Variants in OR11L1 observed in about 807,000 individuals in gnomAD.
OR11L1 encodes the protein olfactory receptor 11L1.
For missense variants in OR11L1, 397 were observed against 392.7 expected, an observed-to-expected ratio of 1.01 and a Z score of -0.09; for synonymous variants, 164 against 159.1, an observed-to-expected ratio of 1.03 and a Z score of -0.23.
At position 247,841,500 on chromosome 1, in the gene OR11L1, G is replaced by A. The variant is rs1489354801; in HGVS notation, c.397C>T (p.Pro133Ser). 6.2e-7 allele frequency: 1 copy of A among 1,614,134 alleles called. No individual in the cohort carries two copies. The highest frequency in any genetic ancestry group is 8.5e-7 in the Non-Finnish European group (1 of 1,180,020). Reference protein sequence around the residue: ...YLAICSPLRYPFLMHRGLCAR... With the variant: ...YLAICSPLRYSFLMHRGLCAR... ...CAGAGCCCACGATGCATGAGGAAGGGGTAGCGGAGTGGGCTGCAGATGGCC... is the reference window on the plus strand; with the variant it reads ...CAGAGCCCACGATGCATGAGGAAGGAGTAGCGGAGTGGGCTGCAGATGGCC... Residue 133 changes from proline (P) to serine (S), a missense_variant, in exon 1 of 1, where the codon CCC becomes TCC. Coordinates refer to ENST00000355784, the MANE Select transcript of OR11L1 (RefSeq NM_001001959.1).
Position 247,841,778 on chromosome 1 carries a change from A to T in OR11L1, c.119T>A (p.Ile40Lys), listed in dbSNP as rs767711381. Reference sequence around the variant, plus strand: ...CACGGTGATGATGACAACATTCCCTATAATGGTCAGGCAGTAGATGAGCAG... The same window carrying T: ...CACGGTGATGATGACAACATTCCCTTTAATGGTCAGGCAGTAGATGAGCAG... The part of the protein sequence containing the change: ...IFLLIYCLTI[I>K]GNVVIITVVS... Residue 40 changes from isoleucine to lysine, a missense_variant, in exon 1 of 1, where the codon ATA (isoleucine) becomes AAA (lysine). Coordinates refer to ENST00000355784, the MANE Select transcript of OR11L1 (RefSeq NM_001001959.1). 5.0e-6 allele frequency: 8 copies of T among 1,614,178 alleles called. No individual in the cohort carries two copies. The highest frequency in any genetic ancestry group is 2.2e-5 in the South Asian group (2 of 91,068).
rs1334651140 is a variant in OR11L1, at chr1:247,841,761, T to C, written c.136A>G (p.Ile46Val). The part of the protein sequence containing the change: ...CLTIIGNVVI[I>V]TVVSQGLRLH... ...CGCAGGCCCTGGCTCACCACGGTGA[T>C]GATGACAACATTCCCTATAATGGTC... The change falls in exon 1 of 1, where the codon ATC becomes GTC. Residue 46 changes from isoleucine (I) to valine (V), a missense_variant. Transcript: ENST00000355784. The C allele has an allele frequency of 1.2e-6, 2 of 1,614,060 alleles. No individual in the cohort carries two copies. The highest frequency in any genetic ancestry group is 2.7e-5 in the African/African-American group (2 of 74,984).
rs761525188 is a variant in OR11L1, at chr1:247,841,654, G to A, written c.243C>T (p.Leu81=). 3 of 1,614,098 alleles carry A rather than the reference G, an allele frequency of 1.9e-6. No individual in the cohort carries two copies. Among genetic ancestry groups the A allele is most frequent in the East Asian group, 4.5e-5 (2 of 44,882 alleles). ...GGCCCCAGGACAGCAGGTTGGCTAG[G>A]AGAAGGGGCACAGTGGTGGACGTGT... is the stretch of plus-strand genomic sequence containing the variant. ...VWYTSTTVPL[L]LANLLSWGQA... is the part of the protein sequence containing the mutation. The change falls in exon 1 of 1, where the codon CTC becomes CTT. Residue 81 remains leucine (L), a synonymous_variant. Coordinates refer to ENST00000355784, the MANE Select transcript of OR11L1 (RefSeq NM_001001959.1).
In OR11L1 at chr1:247,841,027, G is replaced by A. The variant is rs761262152; in HGVS notation, c.870C>T (p.Tyr290=). 44 of 1,614,184 alleles carry A rather than the reference G, an allele frequency of 2.7e-5. No homozygotes were observed. The highest frequency in any genetic ancestry group is 3.5e-5 in the Non-Finnish European group (41 of 1,180,018). ...CTTTGAAGTCTTTGTTCCTCAAGCT[G>A]TAGATAACTGGGTTCAGCAGTGGTG... The part of the protein sequence containing the change: ...VVTPLLNPVI[Y]SLRNKDFKEA... Residue 290 remains tyrosine (Y), a synonymous_variant, in exon 1 of 1, where the codon TAC becomes TAT. Coordinates refer to ENST00000355784, the MANE Select transcript of OR11L1 (RefSeq NM_001001959.1).
chr1:247,840,931 A>G lies in OR11L1; in HGVS notation c.966T>C (p.Tyr322=). 1.9e-6 allele frequency: 3 copies of G among 1,605,778 alleles called. No homozygotes were observed. The highest frequency in any genetic ancestry group is 2.2e-5 in the South Asian group (2 of 90,126). The change falls in exon 1 of 1, where the codon TAT becomes TAC. Residue 322 remains tyrosine (Y), a synonymous_variant. Transcript: ENST00000355784. ...TGTTCTGTGCAATTTTCTTTACCTA[A>G]TAAAGGAACTTCCTTTTACTTGTAC... ...LWSTSKRKFL[Y] is the part of the protein sequence containing the mutation.
rs1295442404 is a variant in OR11L1, at chr1:247,841,224, T to C, written c.673A>G (p.Ile225Val). Residue 225 changes from isoleucine (I) to valine (V), a missense_variant, in exon 1 of 1, where the codon ATA becomes GTA. Transcript: ENST00000355784. The part of the protein sequence containing the change: ...LGPYVFIVSS[I>V]LRIPSTSGRR... The stretch of plus-strand genomic sequence containing the variant: ...CCAGAGGTGGAAGGGATTCTCAATA[T>C]GGAGGACACAATGAAAACATAGGGC... 1 of 1,614,108 alleles carries C rather than the reference T, an allele frequency of 6.2e-7. No homozygotes were observed. The highest frequency in any genetic ancestry group is 1.7e-5 in the Admixed American group (1 of 60,026).
In OR11L1 at chr1:247,840,943, C is replaced by T. The variant is rs1328268032; in HGVS notation, c.954G>A (p.Arg318=). 6.2e-7 allele frequency: 1 copy of T among 1,608,636 alleles called. No homozygotes were observed. Among genetic ancestry groups the T allele is most frequent in the Non-Finnish European group, 8.5e-7 (1 of 1,176,642 alleles). The part of the protein sequence containing the change: ...KCGILWSTSK[R]KFLY ...TTTTCTTTACCTAATAAAGGAACTT[C>T]CTTTTACTTGTACTCCATAGAATAC... The change falls in exon 1 of 1, where the codon AGG becomes AGA. Residue 318 remains arginine (R), a synonymous_variant. Coordinates refer to ENST00000355784, the MANE Select transcript of OR11L1 (RefSeq NM_001001959.1).
chr1:247,841,023 A>C lies in OR11L1; in HGVS notation c.874T>G (p.Leu292Val), dbSNP rs184029383. ...TPLLNPVIYS[L>V]RNKDFKEAVR... ...GCTTCTTTGAAGTCTTTGTTCCTCA[A>C]GCTGTAGATAACTGGGTTCAGCAGT... Residue 292 changes from leucine (L) to valine (V), a missense_variant, in exon 1 of 1, where the codon TTG (leucine) becomes GTG (valine). Coordinates refer to ENST00000355784, the MANE Select transcript of OR11L1 (RefSeq NM_001001959.1). The C allele has an allele frequency of 6.8e-6, 11 of 1,614,194 alleles. No individual in the cohort carries two copies. In the East Asian group the frequency reaches 2.0e-4, roughly 29 times the overall value.
Position 247,841,760 on chromosome 1 carries a change from A to G in OR11L1, c.137T>C (p.Ile46Thr), listed in dbSNP as rs1663268631. The G allele has an allele frequency of 2.5e-6, 4 of 1,614,084 alleles. No individual in the cohort carries two copies. The highest frequency in any genetic ancestry group is 2.2e-5 in the South Asian group (2 of 91,090). ...CLTIIGNVVIITVVSQGLRLH... is the reference protein window; with the variant it reads ...CLTIIGNVVITTVVSQGLRLH... ...TCGCAGGCCCTGGCTCACCACGGTG[A>G]TGATGACAACATTCCCTATAATGGT... Residue 46 changes from isoleucine (I) to threonine (T), a missense_variant, in exon 1 of 1, where the codon ATC (isoleucine) becomes ACC (threonine). Coordinates refer to ENST00000355784, the MANE Select transcript of OR11L1 (RefSeq NM_001001959.1).
rs746360319 is a variant in OR11L1, at chr1:247,841,317, T to C, written c.580A>G (p.Ile194Val). 1.2e-6 allele frequency: 2 copies of C among 1,614,164 alleles called. No individual in the cohort carries two copies. The highest frequency in any genetic ancestry group is 1.7e-6 in the Non-Finnish European group (2 of 1,180,012). ...AGGATGAAGATGGTCACCTCGGTGA[T>C]ATAAACTCTGGAACAGGAGAGCTGC... ...LMQLSCSRVYITEVTIFILSI... is the reference protein window; with the variant it reads ...LMQLSCSRVYVTEVTIFILSI... The change falls in exon 1 of 1, where the codon ATC becomes GTC. Residue 194 changes from isoleucine to valine, a missense_variant. Ile to Val is a conservative substitution (Grantham distance 29). Transcript: ENST00000355784.
chr1:247,841,064 T>C lies in OR11L1; in HGVS notation c.833A>G (p.Tyr278Cys). The change falls in exon 1 of 1, where the codon TAC becomes TGC. Residue 278 changes from tyrosine (Y) to cysteine (C), a missense_variant. Physicochemically the swap from Tyr to Cys is radical, Grantham distance 194. Transcript: ENST00000355784. ...GTTCAGCAGTGGTGTGACCACAGTG[T>C]AGAAGACAGAAATGATCTTGTTGAT... ...PEINKIISVFYTVVTPLLNPV... is the reference protein window; with the variant it reads ...PEINKIISVFCTVVTPLLNPV... The C allele has an allele frequency of 6.2e-7, 1 of 1,614,212 alleles. No individual in the cohort carries two copies. The highest frequency in any genetic ancestry group is 8.5e-7 in the Non-Finnish European group (1 of 1,180,044).
At position 247,841,233 on chromosome 1, in the gene OR11L1, C is replaced by A. The variant is rs1306345876; in HGVS notation, c.664G>T (p.Val222Leu). The A allele has an allele frequency of 6.2e-7, 1 of 1,614,050 alleles. No homozygotes were observed. Among genetic ancestry groups the A allele is most frequent in the Non-Finnish European group, 8.5e-7 (1 of 1,179,990 alleles). Residue 222 changes from valine to leucine, a missense_variant, in exon 1 of 1, where the codon GTG (valine) becomes TTG (leucine). Physicochemically the swap from Val to Leu is conservative, Grantham distance 32 (BLOSUM62 1). Transcript: ENST00000355784. ...FLTLGPYVFIVSSILRIPSTS... is the reference protein window; with the variant it reads ...FLTLGPYVFILSSILRIPSTS... The stretch of plus-strand genomic sequence containing the variant: ...GAAGGGATTCTCAATATGGAGGACA[C>A]AATGAAAACATAGGGCCCCAGTGTC...
In OR11L1 at chr1:247,841,269, A is replaced by C. The variant is rs749904986; in HGVS notation, c.628T>G (p.Cys210Gly). ...FILSIAVLCICFFLTLGPYVF... is the reference protein window; with the variant it reads ...FILSIAVLCIGFFLTLGPYVF... ...TAGGGCCCCAGTGTCAGAAAAAAAC[A>C]AATGCACAGCACGGCAATTGACAGG... The change falls in exon 1 of 1, where the codon TGT becomes GGT. Residue 210 changes from cysteine to glycine, a missense_variant. Transcript: ENST00000355784. 2 of 1,614,218 alleles carry C rather than the reference A, an allele frequency of 1.2e-6. No homozygotes were observed. The highest frequency in any genetic ancestry group is 1.7e-6 in the Non-Finnish European group (2 of 1,180,032).
Position 247,841,855 on chromosome 1 carries a change from C to G in OR11L1, c.42G>C (p.Leu14=), listed in dbSNP as rs201418677. 2 of 1,613,906 alleles carry G rather than the reference C, an allele frequency of 1.2e-6. No homozygotes were observed. Among genetic ancestry groups the G allele is most frequent in the African/African-American group, 1.3e-5 (1 of 75,022 alleles). The change falls in exon 1 of 1, where the codon CTG becomes CTC. Residue 14 remains leucine (L), a synonymous_variant. Coordinates refer to ENST00000355784, the MANE Select transcript of OR11L1 (RefSeq NM_001001959.1). The part of the protein sequence containing the change: ...QNTSTVTNFQ[L]LGFQNLLEWQ... ...ATTCAAGAAGGTTCTGGAATCCTAACAGCTGAAAGTTAGTCACAGTGGAGG... is the reference window on the plus strand; with the variant it reads ...ATTCAAGAAGGTTCTGGAATCCTAAGAGCTGAAAGTTAGTCACAGTGGAGG...
rs778764056 is a variant in OR11L1, at chr1:247,841,611, C to T, written c.286G>A (p.Ala96Thr). The part of the protein sequence containing the change: ...LSWGQAISFS[A>T]CMAQLYFFVF... ...AAGAAGTAGAGCTGTGCCATGCAGG[C>T]AGAGAAGGAGATGGCTTGGCCCCAG... The change falls in exon 1 of 1, where the codon GCC becomes ACC. Residue 96 changes from alanine to threonine, a missense_variant. Physicochemically the swap from Ala to Thr is moderately conservative, Grantham distance 58. Coordinates refer to ENST00000355784, the MANE Select transcript of OR11L1 (RefSeq NM_001001959.1). The T allele has an allele frequency of 2.2e-5, 36 of 1,613,930 alleles. No individual in the cohort carries two copies. The highest frequency in any genetic ancestry group is 2.6e-5 in the Non-Finnish European group (31 of 1,179,976).
rs767300528 is a variant in OR11L1, at chr1:247,841,132, C to A, written c.765G>T (p.Met255Ile). The A allele has an allele frequency of 3.7e-6, 6 of 1,614,024 alleles. No individual in the cohort carries two copies. The highest frequency in any genetic ancestry group is 3.4e-6 in the Non-Finnish European group (4 of 1,180,042). ...GACTGGGACACACATACATGGAGATCATGGTCCCGTAGTAGAGAGTGACAA... is the reference window on the plus strand; with the variant it reads ...GACTGGGACACACATACATGGAGATAATGGTCCCGTAGTAGAGAGTGACAA... Reference protein sequence around the residue: ...LAVVTLYYGTMISMYVCPSPH... With the variant: ...LAVVTLYYGTIISMYVCPSPH... Residue 255 changes from methionine (M) to isoleucine (I), a missense_variant, in exon 1 of 1, where the codon ATG (methionine) becomes ATT (isoleucine). Coordinates refer to ENST00000355784, the MANE Select transcript of OR11L1 (RefSeq NM_001001959.1).
In OR11L1 at chr1:247,841,718, T is replaced by C. The variant is rs752930802; in HGVS notation, c.179A>G (p.Tyr60Cys). Residue 60 changes from tyrosine (Y) to cysteine (C), a missense_variant, in exon 1 of 1, where the codon TAC becomes TGC. Physicochemically the swap from Tyr to Cys is radical, Grantham distance 194 (BLOSUM62 -2). Transcript: ENST00000355784. ...SQGLRLHSPM[Y>C]MFLQHLSFLE... Reference sequence around the variant, plus strand: ...AAAGGAGAGATGCTGGAGGAACATGTACATAGGGGAGTGCAGTCGCAGGCC... The same window carrying C: ...AAAGGAGAGATGCTGGAGGAACATGCACATAGGGGAGTGCAGTCGCAGGCC... The C allele has an allele frequency of 1.2e-6, 2 of 1,613,998 alleles. No individual in the cohort carries two copies. The highest frequency in any genetic ancestry group is 4.5e-5 in the East Asian group (2 of 44,864).
rs776975762 is a variant in OR11L1 at position 247,841,892 on chromosome 1, T to C, written c.5A>G (p.Glu2Gly). 1 of 1,610,010 alleles carries C rather than the reference T, an allele frequency of 6.2e-7. No homozygotes were observed. The highest frequency in any genetic ancestry group is 1.1e-5 in the South Asian group (1 of 90,730). Residue 2 changes from glutamate (E) to glycine (G), a missense_variant, in exon 1 of 1, where the codon GAG (glutamate) becomes GGG (glycine). Transcript: ENST00000355784. ...AGTCACAGTGGAGGTATTTTGGGGC[T>C]CCATTGCCTGTGGGGGATGAAAAAC... MEPQNTSTVTNF... is the reference protein window; with the variant it reads MGPQNTSTVTNF...
chr1:247,841,778 A>C lies in OR11L1; in HGVS notation c.119T>G (p.Ile40Arg). 1 of 1,614,178 alleles carries C rather than the reference A, an allele frequency of 6.2e-7. No individual in the cohort carries two copies. Among genetic ancestry groups the C allele is most frequent in the Non-Finnish European group, 8.5e-7 (1 of 1,180,036 alleles). Residue 40 changes from isoleucine to arginine, a missense_variant, in exon 1 of 1, where the codon ATA becomes AGA. Physicochemically the swap from Ile to Arg is moderately conservative, Grantham distance 97. Transcript: ENST00000355784. Reference sequence around the variant, plus strand: ...CACGGTGATGATGACAACATTCCCTATAATGGTCAGGCAGTAGATGAGCAG... The same window carrying C: ...CACGGTGATGATGACAACATTCCCTCTAATGGTCAGGCAGTAGATGAGCAG... ...IFLLIYCLTI[I>R]GNVVIITVVS... is the part of the protein sequence containing the mutation.
Sources: allele counts gnomAD v4.1 joint callset, GRCh38; gene constraint gnomAD v4.1.1; transcripts MANE v1.5; gene names NCBI Gene and HGNC (gene_info 2026-07-23, HGNC 2026-07-21).